FNBP1L: variants seen among roughly 807,000 people sequenced by gnomAD.
FNBP1L encodes formin-binding protein 1-like.
FNBP1L carries 36 observed loss-of-function variants against 91.2 expected under a neutral mutation model. That is an observed-to-expected ratio of 0.39 (90% CI 0.30 to 0.52). FNBP1L has a LOEUF of 0.52. FNBP1L is among the 20% of genes least tolerant of loss of function. The pLI is 0.66. For synonymous variants in FNBP1L, 242 were observed against 237.0 expected (o/e 1.02, Z -0.19); for missense variants, 571 against 732.1 (o/e 0.78, Z 2.54).
intron 12 of FNBP1L, among the ~76,000 whole-genome samples, chr1:93,546,031 G>A (rs80170470): frequency 0.013 from 2,015 of 152,150 alleles, 31 homozygotes; most frequent in Non-Finnish European, 0.02. Context: ...CTGGAGATAT[G>A]CATTTGAAAA....
intron 1 of FNBP1L, among the ~76,000 whole-genome samples, chr1:93,494,134 AC>A (rs1194198645): frequency 1.3e-5 from 2 of 152,018 alleles, no homozygotes; most frequent in African/African-American, 2.4e-5. Flanking sequence ...GGTTCCTGTG[AC>A]CCCCTCCTCC....
At position 93,534,825 on chromosome 1, in the gene FNBP1L, A is replaced by G; in HGVS notation, c.907A>G (p.Lys303Glu). 1.3e-6 allele frequency: 2 copies of G among 1,577,696 alleles called. No homozygotes were observed. The highest frequency in any genetic ancestry group is 1.7e-6 in the Non-Finnish European group (2 of 1,160,328). Residue 303 changes from lysine (K) to glutamate (E), a missense_variant, in exon 9 of 17, where the codon AAA becomes GAA. Lys to Glu is a moderately conservative substitution (Grantham distance 56). Transcript: ENST00000271234. ...TTCTGATGGGACTATCAGTGCATCCAAACAGGAGAGTGGGAAGATGGATGC... is the reference window on the plus strand; with the variant it reads ...TTCTGATGGGACTATCAGTGCATCCGAACAGGAGAGTGGGAAGATGGATGC... The part of the protein sequence containing the change: ...TISDGTISAS[K>E]QESGKMDAKT...
intron 10 of FNBP1L, among the ~76,000 whole-genome samples, chr1:93,537,028 A>G (rs556155366): frequency 6.6e-6 from 1 of 152,200 alleles, no homozygotes; most frequent in South Asian, 2.1e-4. Context: ...TAGAAAATAG[A>G]TTGTAAATTG....
At chr1:93,514,559 C>G (rs1023918907) in intron 2 of FNBP1L, among the ~76,000 whole-genome samples, 3 of 152,136 alleles carry the variant, frequency 2.0e-5, no homozygotes, top group African/African-American at 7.2e-5. Flanking sequence ...GGTACTGGTA[C>G]CAACACAGAG....
chr1:93,514,838 C>G (rs1167651178), intron 2 of FNBP1L, among the ~76,000 whole-genome samples: 1 of 151,958 alleles, frequency 6.6e-6, no homozygotes, highest in Non-Finnish European at 1.5e-5. Flanking sequence ...TAGGCATTAC[C>G]ATTCAGGACA....
chr1:93,485,795 C>A (rs777961849), intron 1 of FNBP1L, among the ~76,000 whole-genome samples: 1 of 152,190 alleles, frequency 6.6e-6, no homozygotes, highest in Non-Finnish European at 1.5e-5. Context: ...CTCCCGGGTT[C>A]AAACGATTCT....
chr1:93,448,262 G>C lies in FNBP1L; in HGVS notation c.-20G>C, dbSNP rs1359937219. ...AGACTGAAGGACAGCGGCACCGCCA[G>C]ACGGCCAGAAAGTTCCGCCATGAGC... On this transcript the variant is annotated 5_prime_UTR_variant, in exon 1 of 17. Coordinates refer to ENST00000271234, the MANE Select transcript of FNBP1L (RefSeq NM_001164473.3). 1 of 1,520,536 alleles carries C rather than the reference G, an allele frequency of 6.6e-7. No homozygotes were observed. Among genetic ancestry groups the C allele is most frequent in the South Asian group, 1.2e-5 (1 of 81,546 alleles). The allele number at this position is 1,520,536 out of a possible 1,614,324, so 94.2% of individuals were successfully genotyped here. A position where few individuals can be genotyped will look rare whatever the true frequency, so the allele number is the denominator to read the frequency against.
At position 93,543,621 on chromosome 1, in the gene FNBP1L, A is replaced by G. The variant is rs1201141114; in HGVS notation, c.1165-486A>G. 5.3e-5 allele frequency among the ~76,000 whole-genome samples: 8 copies of G among 152,280 alleles called. No individual in the cohort carries two copies. The South Asian group carries it at 1.7e-3, about 32-fold the overall frequency. ...TCTTTGTGAGGTAAGTTTCTTAATTATATTCATATTTTCAGTTTGAACATT... is the reference window on the plus strand; with the variant it reads ...TCTTTGTGAGGTAAGTTTCTTAATTGTATTCATATTTTCAGTTTGAACATT... On this transcript the variant is annotated intron_variant, in intron 11 of 16. Transcript: ENST00000271234.
intron 1 of FNBP1L, among the ~76,000 whole-genome samples, chr1:93,469,966 A>G (rs1392484695): frequency 1.3e-5 from 2 of 152,148 alleles, no homozygotes; most frequent in Non-Finnish European, 1.5e-5. Flanking sequence ...CTGACTCTTA[A>G]AAGAAAAAAA....
chr1:93,514,436 C>T (rs1670991635), intron 2 of FNBP1L, among the ~76,000 whole-genome samples: 1 of 151,260 alleles, frequency 6.6e-6, no homozygotes, highest in Non-Finnish European at 1.5e-5. Flanking sequence ...TCATATGGAA[C>T]CAAAAAAGAG....
chr1:93,495,307 T>C (rs1021666888), intron 1 of FNBP1L, among the ~76,000 whole-genome samples: 2 of 152,240 alleles, frequency 1.3e-5, no homozygotes, highest in African/African-American at 4.8e-5. Context: ...AAAGTAGTTA[T>C]ATTTAAAACT....
intron 2 of FNBP1L, among the ~76,000 whole-genome samples, chr1:93,512,222 C>T (rs1670881533): frequency 6.6e-6 from 1 of 152,124 alleles, no homozygotes; most frequent in South Asian, 2.1e-4. Flanking sequence ...GAAGAGCTAA[C>T]TATCCTAAAT....
chr1:93,464,452 G>A (rs1052934574), intron 1 of FNBP1L, among the ~76,000 whole-genome samples: 1 of 152,036 alleles, frequency 6.6e-6, no homozygotes, highest in Non-Finnish European at 1.5e-5. Flanking sequence ...TTACATGTTT[G>A]TTGGATCTTC....
chr1:93,482,275 CTA>C (rs1398334503), intron 1 of FNBP1L, among the ~76,000 whole-genome samples: 4 of 152,174 alleles, frequency 2.6e-5, no homozygotes, highest in Non-Finnish European at 4.4e-5. Flanking sequence ...TAAACTTCGT[CTA>C]TGTGTGTACT....
chr1:93,512,371 A>G (rs1670886717), intron 2 of FNBP1L, among the ~76,000 whole-genome samples: 2 of 151,710 alleles, frequency 1.3e-5, no homozygotes, highest in South Asian at 4.2e-4. Flanking sequence ...AACGAGACAG[A>G]AAGTCAACAA....
intron 1 of FNBP1L, among the ~76,000 whole-genome samples, chr1:93,454,851 T>TA: frequency 6.6e-6 from 1 of 152,312 alleles, no homozygotes; most frequent in East Asian, 1.9e-4. Flanking sequence ...TGACTTAAAA[T>TA]ATATGGGACG....
chr1:93,539,374 TG>T (rs1303545959), intron 10 of FNBP1L, among the ~76,000 whole-genome samples: 3 of 151,880 alleles, frequency 2.0e-5, no homozygotes, highest in Non-Finnish European at 4.4e-5. Context: ...AAGATATTTT[TG>T]TATGGAACAT....
chr1:93,505,957 G>A (rs970762458), intron 2 of FNBP1L, among the ~76,000 whole-genome samples: 12 of 152,128 alleles, frequency 7.9e-5, no homozygotes, highest in East Asian at 7.7e-4. Flanking sequence ...GATTACAGGC[G>A]TGAGCCACCA....
chr1:93,517,892 A>G (rs1013682209), intron 2 of FNBP1L, among the ~76,000 whole-genome samples: 1 of 152,198 alleles, frequency 6.6e-6, no homozygotes, highest in Non-Finnish European at 1.5e-5. Flanking sequence ...TGGCTGTTTG[A>G]CTGTGGGCAA....
Sources: gnomAD v4.1 joint callset for allele counts (sites outside exome capture counted in the v4.1 genomes callset) on GRCh38, gnomAD v4.1.1 for gene constraint, MANE v1.5 for transcripts, NCBI Gene and HGNC (gene_info 2026-07-23, HGNC 2026-07-21) for gene names.